WWOX: variants seen among roughly 807,000 people sequenced by gnomAD.
WWOX encodes the protein WW domain-containing oxidoreductase.
A neutral mutation model predicts 46.2 loss-of-function variants in WWOX; 69 were observed. That is an observed-to-expected ratio of 1.49 (90% CI 1.23 to 1.82). WWOX has a LOEUF of 1.82. Among genes scored for constraint, WWOX ranks in the 40% most tolerant of loss-of-function variants. WWOX has a pLI of 0.00. For synonymous variants in WWOX, 359 were observed against 202.6 expected (o/e 1.77, Z -6.56); for missense variants, 919 against 542.6 (o/e 1.69, Z -6.89).
At chr16:78,478,003 A>T (rs967748271) in intron 8 of WWOX, among the ~76,000 whole-genome samples, 1 of 152,218 alleles carries the variant, frequency 6.6e-6, no homozygotes, top group African/African-American at 2.4e-5. Context: ...ATTTTTTAAT[A>T]CCTAACATTT....
At chr16:78,631,612 C>T (rs2046433805) in intron 8 of WWOX, among the ~76,000 whole-genome samples, 1 of 149,916 alleles carries the variant, frequency 6.7e-6, no homozygotes, top group Admixed American at 6.8e-5. Context: ...GATTTTGGCT[C>T]ACTGCAGCTT....
In WWOX at chr16:78,968,789, C is replaced by G. The variant is rs116357015; in HGVS notation, c.1057-242819C>G. 2.0e-3 allele frequency among the ~76,000 whole-genome samples: 297 copies of G among 152,174 alleles called. 1 individual carries two copies. Among genetic ancestry groups the G allele is most frequent in the African/African-American group, 7.0e-3 (289 of 41,508 alleles). ...AAGATTAAAGCTATTGGAGATAGCA[C>G]AGATTGTTTCATTTTATTATGTTCA... On this transcript the variant is annotated intron_variant, in intron 8 of 8. Transcript: ENST00000566780.
chr16:78,924,954 G>C (rs900779869), intron 8 of WWOX, among the ~76,000 whole-genome samples: 9 of 152,234 alleles, frequency 5.9e-5, no homozygotes, highest in African/African-American at 2.2e-4. Context: ...CAGCACTTTG[G>C]GGGGCCAAGG....
rs1184910037 is a variant in WWOX at position 78,467,619 on chromosome 16, T to A, written c.1056+34867T>A. 2.6e-5 allele frequency among the ~76,000 whole-genome samples: 4 copies of A among 152,158 alleles called. No individual in the cohort carries two copies. The East Asian group carries it at 7.7e-4, about 29-fold the overall frequency. On this transcript the variant is annotated intron_variant, in intron 8 of 8. Transcript: ENST00000566780. ...AATGTCTTCATTAAGTGGAGAAAAA[T>A]CTTGGGGAAAATATAACTGTAACTT... is the stretch of plus-strand genomic sequence containing the variant.
At chr16:78,508,538 G>C (rs2667604) in intron 8 of WWOX, among the ~76,000 whole-genome samples, 1 of 152,018 alleles carries the variant, frequency 6.6e-6, no homozygotes, top group Non-Finnish European at 1.5e-5. Flanking sequence ...GTGTTCTCTA[G>C]ACCTCACACC....
At chr16:78,680,326 G>T (rs533580298) in intron 8 of WWOX, among the ~76,000 whole-genome samples, 8 of 151,754 alleles carry the variant, frequency 5.3e-5, no homozygotes, top group African/African-American at 1.7e-4. Flanking sequence ...GGAGGATTGC[G>T]TGAGCCCAGG....
chr16:78,299,819 G>A (rs989488177), intron 5 of WWOX, among the ~76,000 whole-genome samples: 7 of 152,144 alleles, frequency 4.6e-5, no homozygotes, highest in Non-Finnish European at 7.4e-5. Flanking sequence ...GTCAGTTACC[G>A]CACTGGCCTG....
intron 4 of WWOX, among the ~76,000 whole-genome samples, chr16:78,128,928 A>G (rs1272422490): frequency 6.6e-6 from 1 of 152,250 alleles, no homozygotes; most frequent in East Asian, 1.9e-4. Flanking sequence ...AAATGCTGTT[A>G]CAGCTTTATC....
intron 6 of WWOX, among the ~76,000 whole-genome samples, chr16:78,410,510 A>G (rs971985201): frequency 5.9e-5 from 9 of 152,098 alleles, no homozygotes; most frequent in Non-Finnish European, 8.8e-5. Context: ...TTGGGCTGCA[A>G]TCAAGATGTC....
chr16:78,466,917 G>A (rs1227998468), intron 8 of WWOX, among the ~76,000 whole-genome samples: 10 of 149,790 alleles, frequency 6.7e-5, no homozygotes, highest in Admixed American at 6.6e-4. Context: ...AGCATGGGCA[G>A]GAAATAATTG....
chr16:78,882,403 T>A (rs1394302636), intron 8 of WWOX, among the ~76,000 whole-genome samples: 1 of 152,024 alleles, frequency 6.6e-6, no homozygotes, highest in Non-Finnish European at 1.5e-5. Context: ...TCTATTTTAT[T>A]ACCTGTGCCT....
intron 8 of WWOX, among the ~76,000 whole-genome samples, chr16:78,541,714 C>A (rs1471976661): frequency 6.6e-6 from 1 of 151,708 alleles, no homozygotes; most frequent in East Asian, 1.9e-4. Flanking sequence ...CCCTCCAGGT[C>A]CTTATCTGTA....
At chr16:78,720,775 C>G (rs2048670556) in intron 8 of WWOX, among the ~76,000 whole-genome samples, 1 of 152,114 alleles carries the variant, frequency 6.6e-6, no homozygotes, top group African/African-American at 2.4e-5. Context: ...TTCTCAAACT[C>G]TATTATACAA....
intron 8 of WWOX, among the ~76,000 whole-genome samples, chr16:78,900,366 A>T (rs142144730): frequency 6.6e-6 from 1 of 152,162 alleles, no homozygotes; most frequent in African/African-American, 2.4e-5. Flanking sequence ...GCACGCTCAT[A>T]TTATTAAAAA....
At position 78,922,522 on chromosome 16, in the gene WWOX, G is replaced by A. The variant is rs549659164; in HGVS notation, c.1057-289086G>A. Among the ~76,000 whole-genome samples, 3 of 152,116 alleles carry A rather than the reference G, an allele frequency of 2.0e-5. No homozygotes were observed. The East Asian group carries it at 5.8e-4, about 29-fold the overall frequency. Reference sequence around the variant, plus strand: ...GCCTCCTGAGTCACTGGGATTACAGGCATGCACAACAACACCCAGCTAATT... The same window carrying A: ...GCCTCCTGAGTCACTGGGATTACAGACATGCACAACAACACCCAGCTAATT... On this transcript the variant is annotated intron_variant, in intron 8 of 8. Transcript: ENST00000566780.
chr16:78,990,707 AGGAAGG>A (rs1597246017), intron 8 of WWOX, among the ~76,000 whole-genome samples: 1 of 151,522 alleles, frequency 6.6e-6, no homozygotes, highest in South Asian at 2.2e-4. Context: ...AGAAGGAAGA[AGGAAGG>A]AGGAAGGAGG....
At chr16:78,291,130 CACTT>C (rs553814823) in intron 5 of WWOX, among the ~76,000 whole-genome samples, 175 of 152,276 alleles carry the variant, frequency 1.1e-3, no homozygotes, top group African/African-American at 4.0e-3. Flanking sequence ...TCATGGAACT[CACTT>C]AATCTGATTT....
At chr16:79,106,884 TACA>T (rs1489482276) in intron 8 of WWOX, 1 of 145,586 alleles carries the variant, frequency 6.9e-6, no homozygotes, top group Non-Finnish European at 1.5e-5. Flanking sequence ...CTCTGCTCAC[TACA>T]ACATCTGCCC....
chr16:78,882,215 A>G (rs904183341), intron 8 of WWOX, among the ~76,000 whole-genome samples: 3 of 152,180 alleles, frequency 2.0e-5, no homozygotes, highest in African/African-American at 4.8e-5. Context: ...TAAAGCCAAT[A>G]CTTTCTAACA....
Sources: gnomAD v4.1 joint callset for allele counts (sites outside exome capture counted in the v4.1 genomes callset) on GRCh38, gnomAD v4.1.1 for gene constraint, MANE v1.5 for transcripts, NCBI Gene and HGNC (gene_info 2026-07-23, HGNC 2026-07-21) for gene names.